BRWD3: variants seen among roughly 807,000 people sequenced by gnomAD.
The protein encoded by BRWD3 is bromodomain and WD repeat domain containing 3.
In BRWD3, 10 loss-of-function variants were observed where a neutral mutation model predicts 149.7. The ratio of observed to expected loss-of-function variants is 0.07; its 90% CI spans 0.04 to 0.11. BRWD3 has a LOEUF of 0.11. Ranked by LOEUF, BRWD3 falls within the 10% of genes least tolerant of loss-of-function variation. The pLI is 1.00. For missense variants in BRWD3, 940 were observed against 1,373.2 expected (o/e 0.68, Z 4.99); for synonymous variants, 504 against 456.7 (o/e 1.10, Z -1.32).
At chrX:80,769,857 A>C (rs1227600680) in intron 6 of BRWD3, among the ~76,000 whole-genome samples, 1 of 111,331 alleles carries the variant, frequency 9.0e-6, no homozygotes, top group Non-Finnish European at 1.9e-5. Flanking sequence ...CACTAGTAAG[A>C]CTAATAAAGA....
Position 80,723,949 on chromosome X carries a change from G to A in BRWD3, c.1522-73C>T. On this transcript the variant is annotated intron_variant, in intron 15 of 40. Transcript: ENST00000373275. The stretch of plus-strand genomic sequence containing the variant: ...AATAGATAGGCGGTAACTTCTCCTT[G>A]TTAATACCATGGACTCTGTGATACA... 2.8e-6 allele frequency: 3 copies of A among 1,060,812 alleles called. No homozygotes were observed. In the South Asian group the frequency reaches 5.7e-5, roughly 20 times the overall value. 87.4% of individuals were successfully genotyped at this position (1,060,812 alleles called of 1,213,427 possible).
intron 9 of BRWD3, 48 bp from the exon 10 acceptor site, chrX:80,735,245 T>A: frequency 9.9e-7 from 1 of 1,005,483 alleles, no homozygotes. Context: ...GTTTGGCTAA[T>A]GGGCCAGAAT....
intron 6 of BRWD3, among the ~76,000 whole-genome samples, chrX:80,782,059 A>C (rs2074063029): frequency 8.9e-6 from 1 of 111,735 alleles, no homozygotes; most frequent in Admixed American, 9.6e-5. Context: ...CACCATCCTG[A>C]GCAAAAATAA....
chrX:80,705,215 G>A (rs1404632976), intron 22 of BRWD3, among the ~76,000 whole-genome samples: 5 of 108,791 alleles, frequency 4.6e-5, no homozygotes, highest in African/African-American at 1.3e-4. Flanking sequence ...GCAGTGAGCC[G>A]AGAGTGTACC....
intron 6 of BRWD3, 27 bp downstream of exon 6, chrX:80,791,826 GT>G: frequency 9.3e-7 from 1 of 1,070,626 alleles, no homozygotes; most frequent in Middle Eastern, 2.5e-4. Flanking sequence ...TCAACAATCT[GT>G]TTATAACACA....
chrX:80,750,857 T>C (rs867332028), intron 6 of BRWD3, among the ~76,000 whole-genome samples: 4 of 93,949 alleles, frequency 4.3e-5, no homozygotes, highest in African/African-American at 1.2e-4. Context: ...ATGTGTTTTA[T>C]ACACACACAC....
intron 38 of BRWD3, 97 bp from the exon 39 acceptor site, chrX:80,682,191 A>G: frequency 1.4e-6 from 1 of 716,079 alleles, no homozygotes; most frequent in Non-Finnish European, 2.2e-6. Context: ...AAGGTCAGGT[A>G]TTAGCTGGCC....
intron 24 of BRWD3, among the ~76,000 whole-genome samples, chrX:80,700,497 G>C (rs1477359546): frequency 1.1e-5 from 1 of 88,396 alleles, no homozygotes; most frequent in Non-Finnish European, 2.3e-5. Flanking sequence ...AGCACTTTGG[G>C]AGGTTGAGGC....
intron 3 of BRWD3, among the ~76,000 whole-genome samples, 196 bp downstream of exon 3, chrX:80,808,817 G>C (rs1250177970): frequency 9.5e-6 from 1 of 105,259 alleles, no homozygotes; most frequent in Non-Finnish European, 2.0e-5. Flanking sequence ...CCTCCCACAA[G>C]CATAAAGCGG....
chrX:80,790,443 C>T (rs987323237), intron 6 of BRWD3, among the ~76,000 whole-genome samples: 1 of 110,658 alleles, frequency 9.0e-6, no homozygotes, highest in Non-Finnish European at 1.9e-5. Flanking sequence ...ACATCATGAT[C>T]GAATTGCCTC....
chrX:80,685,500 C>G lies in BRWD3; in HGVS notation c.4042G>C (p.Val1348Leu), dbSNP rs2072508785. 3.3e-6 allele frequency: 4 copies of G among 1,209,191 alleles called. No individual in the cohort carries two copies. The highest frequency in any genetic ancestry group is 4.5e-6 in the Non-Finnish European group (4 of 893,744). Residue 1348 changes from valine (V) to leucine (L), a missense_variant, in exon 36 of 41, where the codon GTT becomes CTT. Physicochemically the swap from Val to Leu is conservative, Grantham distance 32. Coordinates refer to ENST00000373275, the MANE Select transcript of BRWD3 (RefSeq NM_153252.5). The stretch of plus-strand genomic sequence containing the variant: ...GAATCTTGTTGTCTTTCTGGAACAA[C>G]AGACTCTGAGGATTCTCCCTCTTGC... ...QEQEGESSESVVPERQQDSSL... is the reference protein window; with the variant it reads ...QEQEGESSESLVPERQQDSSL...
intron 7 of BRWD3, among the ~76,000 whole-genome samples, chrX:80,744,922 G>C (rs1469701234): frequency 9.0e-6 from 1 of 111,237 alleles, no homozygotes; most frequent in African/African-American, 3.3e-5. Flanking sequence ...ATAACTTCCC[G>C]AATAACTTCC....
In BRWD3 at chrX:80,674,827, G is replaced by T; in HGVS notation, c.*1782C>A. ...AAACTGCTTAAAGATGTTAGTCCAA[G>T]AATAACCCTACTGCCGACCCTACCA... On this transcript the variant is annotated 3_prime_UTR_variant, in exon 41 of 41. Coordinates refer to ENST00000373275, the MANE Select transcript of BRWD3 (RefSeq NM_153252.5). 1 of 111,824 alleles carries T rather than the reference G, an allele frequency of 8.9e-6. No homozygotes were observed. Among genetic ancestry groups the T allele is most frequent in the East Asian group, 2.8e-4 (1 of 3,539 alleles). The allele number at this position is 111,824 out of a possible 1,213,427, so 9.2% of individuals were successfully genotyped here.
chrX:80,793,024 A>T (rs1243393750), intron 5 of BRWD3, among the ~76,000 whole-genome samples: 1 of 107,752 alleles, frequency 9.3e-6, no homozygotes, highest in Non-Finnish European at 1.9e-5. Context: ...TAGCTGGGCG[A>T]GGTGGCACGC....
At chrX:80,745,446 T>C in intron 7 of BRWD3, 123 bp downstream of exon 7, 1 of 588,523 alleles carries the variant, frequency 1.7e-6, no homozygotes, top group Non-Finnish European at 2.6e-6. Flanking sequence ...TCCACTCATC[T>C]TTTTCTGCAC....
At position 80,717,736 on chromosome X, in the gene BRWD3, T is replaced by C. The variant is rs745643298; in HGVS notation, c.2068A>G (p.Ile690Val). 2 of 1,211,255 alleles carry C rather than the reference T, an allele frequency of 1.7e-6. No individual in the cohort carries two copies. The highest frequency in any genetic ancestry group is 1.8e-5 in the South Asian group (1 of 57,009). Residue 690 changes from isoleucine to valine, a missense_variant, in exon 19 of 41, where the codon ATA becomes GTA. By Grantham distance (29) the Ile-to-Val change is conservative. This residue lies in a region of BRWD3 where 103 missense variants were observed against 103.2 expected (regional missense o/e 1.00). Coordinates refer to ENST00000373275, the MANE Select transcript of BRWD3 (RefSeq NM_153252.5). ...AGCCTGATGTTTGGGGAAGAAGATA[T>C]GTCCATGTTTGGACTTCTCAGAGCT... ...NGALRSPNMD[I>V]SSSPNIRLRR...
intron 34 of BRWD3, among the ~76,000 whole-genome samples, chrX:80,687,268 G>A (rs1384407133): frequency 9.0e-6 from 1 of 111,159 alleles, no homozygotes; most frequent in Non-Finnish European, 1.9e-5. Context: ...ATAATGTACA[G>A]AGGAACAAAT....
chrX:80,721,604 GGC>G (rs2073150777), intron 17 of BRWD3, among the ~76,000 whole-genome samples: 1 of 111,499 alleles, frequency 9.0e-6, no homozygotes, highest in African/African-American at 3.3e-5. Flanking sequence ...GGGGGTACAG[GGC>G]AGTATAAATA....
chrX:80,683,649 G>C (rs1319676270), intron 37 of BRWD3, among the ~76,000 whole-genome samples: 1 of 111,601 alleles, frequency 9.0e-6, no homozygotes, highest in Non-Finnish European at 1.9e-5. Context: ...AACTTCCCAA[G>C]ATGGTTCATT....
Sources: gnomAD v4.1 joint callset for allele counts (sites outside exome capture counted in the v4.1 genomes callset) on GRCh38, gnomAD v4.1.1 for gene constraint, gnomAD v4.1.1 regional missense constraint, MANE v1.5 for transcripts, NCBI Gene and HGNC (gene_info 2026-07-23, HGNC 2026-07-21) for gene names.